KIAA1958: variants seen among roughly 807,000 people sequenced by gnomAD.
The protein encoded by KIAA1958 is KIAA1958.
A neutral mutation model predicts 47.2 loss-of-function variants in KIAA1958; 14 were observed. The observed-to-expected ratio is 0.30, with a 90% confidence interval of 0.20 to 0.46. The LOEUF (loss-of-function observed/expected upper bound fraction) is 0.46. Among genes scored for constraint, KIAA1958 ranks in the 20% least tolerant of loss-of-function variants. KIAA1958 has a pLI of 1.00. For missense variants in KIAA1958, 803 were observed against 909.2 expected, an observed-to-expected ratio of 0.88 and a Z score of 1.50; for synonymous variants, 354 against 353.3, an observed-to-expected ratio of 1.00 and a Z score of -0.02.
chr9:112,542,156 T>A (rs1161454334), intron 1 of KIAA1958, among the ~76,000 whole-genome samples: 1 of 152,206 alleles, frequency 6.6e-6, no homozygotes, highest in African/African-American at 2.4e-5. Flanking sequence ...CCCAATATGG[T>A]CAAGAGTACA....
intron 1 of KIAA1958, among the ~76,000 whole-genome samples, chr9:112,488,832 C>T (rs1264812976): frequency 6.6e-6 from 1 of 152,082 alleles, no homozygotes; most frequent in Non-Finnish European, 1.5e-5. Flanking sequence ...TAAAATAGTG[C>T]TTTTTTCTAG....
intron 3 of KIAA1958, among the ~76,000 whole-genome samples, chr9:112,646,978 G>A (rs1459384830): frequency 1.3e-5 from 2 of 152,200 alleles, no homozygotes; most frequent in African/African-American, 4.8e-5. Context: ...ACATTGAAAA[G>A]TCTTGCAAAT....
chr9:112,495,061 G>A (rs773551016), intron 1 of KIAA1958, among the ~76,000 whole-genome samples: 1 of 151,592 alleles, frequency 6.6e-6, no homozygotes, highest in Non-Finnish European at 1.5e-5. Flanking sequence ...TAGGACTGTG[G>A]ATGTGTGCCA....
chr9:112,649,515 C>G (rs572912868), intron 3 of KIAA1958, among the ~76,000 whole-genome samples: 64 of 151,790 alleles, frequency 4.2e-4, no homozygotes, highest in Non-Finnish European at 7.8e-4. Flanking sequence ...TTTCAAGGAG[C>G]CTAATGTACA....
chr9:112,559,702 C>T (rs893710601), intron 1 of KIAA1958, among the ~76,000 whole-genome samples: 1 of 152,204 alleles, frequency 6.6e-6, no homozygotes, highest in Admixed American at 6.5e-5. Context: ...AAGCCTTGGA[C>T]AATTCCATCA....
intron 2 of KIAA1958, among the ~76,000 whole-genome samples, chr9:112,603,944 T>C (rs1348423104): frequency 6.6e-6 from 1 of 152,226 alleles, no homozygotes; most frequent in African/African-American, 2.4e-5. Context: ...TCATTTCTTT[T>C]CTTTATCAAG....
chr9:112,589,221 G>T (rs1039654261), intron 2 of KIAA1958, among the ~76,000 whole-genome samples: 1 of 152,144 alleles, frequency 6.6e-6, no homozygotes, highest in Non-Finnish European at 1.5e-5. Context: ...TTTTCCTTTG[G>T]TTTTTCTGTT....
At chr9:112,609,642 C>G (rs981491004) in intron 2 of KIAA1958, among the ~76,000 whole-genome samples, 1 of 152,110 alleles carries the variant, frequency 6.6e-6, no homozygotes, top group Non-Finnish European at 1.5e-5. Context: ...GTCTCAACCT[C>G]CTAGGCTCAA....
chr9:112,546,922 G>A (rs951943343), intron 1 of KIAA1958, among the ~76,000 whole-genome samples: 1 of 151,922 alleles, frequency 6.6e-6, no homozygotes, highest in Admixed American at 6.6e-5. Flanking sequence ...TACCAGAGTT[G>A]TAAACCAGAA....
intron 2 of KIAA1958, among the ~76,000 whole-genome samples, chr9:112,636,315 T>C (rs1022927818): frequency 6.6e-6 from 1 of 152,028 alleles, no homozygotes; most frequent in African/African-American, 2.4e-5. Flanking sequence ...CATTTCTATG[T>C]TGGTAAAAGT....
intron 2 of KIAA1958, among the ~76,000 whole-genome samples, chr9:112,576,171 A>G (rs1230085351): frequency 6.6e-6 from 1 of 152,192 alleles, no homozygotes; most frequent in Non-Finnish European, 1.5e-5. Context: ...GTTGCTTTAC[A>G]AACTTCTTTT....
chr9:112,518,699 C>G (rs1834483115), intron 1 of KIAA1958, among the ~76,000 whole-genome samples: 1 of 152,092 alleles, frequency 6.6e-6, no homozygotes, highest in Non-Finnish European at 1.5e-5. Context: ...TCAAATTGTA[C>G]ATTTAAAATA....
chr9:112,544,191 G>A (rs4979130), intron 1 of KIAA1958, among the ~76,000 whole-genome samples: 145,345 of 152,256 alleles, frequency 0.95, 69,445 homozygotes, highest in African/African-American at 0.99. Flanking sequence ...CTGTAAAGTG[G>A]AGGGAAAATG....
intron 2 of KIAA1958, among the ~76,000 whole-genome samples, chr9:112,623,881 A>G (rs909306931): frequency 6.6e-6 from 1 of 152,120 alleles, no homozygotes; most frequent in African/African-American, 2.4e-5. Context: ...TAGACTGTGA[A>G]CCTATTCAGA....
intron 1 of KIAA1958, among the ~76,000 whole-genome samples, chr9:112,561,925 A>G (rs562102178): frequency 2.0e-5 from 3 of 152,314 alleles, no homozygotes; most frequent in Admixed American, 1.3e-4. Context: ...TGCAGAATAG[A>G]TCATATAGTT....
chr9:112,666,343 T>A lies in KIAA1958; in HGVS notation c.*6274T>A, dbSNP rs1338890768. On this transcript the variant is annotated 3_prime_UTR_variant, in exon 4 of 4. Transcript: ENST00000337530. ...CAATAGGTTATATGAAACTCTGAGA[T>A]CATCTAGTCAAATTCCCCCATTTTA... is the stretch of plus-strand genomic sequence containing the variant. The A allele has an allele frequency of 6.6e-6, 1 of 152,176 alleles. No individual in the cohort carries two copies. Among genetic ancestry groups the A allele is most frequent in the Non-Finnish European group, 1.5e-5 (1 of 68,032 alleles). 9.4% of individuals were successfully genotyped at this position (152,176 alleles called of 1,614,324 possible).
intron 2 of KIAA1958, among the ~76,000 whole-genome samples, chr9:112,610,876 G>C (rs139667089): frequency 9.1e-4 from 138 of 152,214 alleles, no homozygotes; most frequent in African/African-American, 3.0e-3. Flanking sequence ...ATTCAACAGA[G>C]CATTAAAGGA....
chr9:112,508,904 C>T (rs1417655365), intron 1 of KIAA1958, among the ~76,000 whole-genome samples: 1 of 151,998 alleles, frequency 6.6e-6, no homozygotes, highest in Admixed American at 6.6e-5. Flanking sequence ...AGGCCATTCA[C>T]TAATATAGTA....
At position 112,575,044 on chromosome 9, in the gene KIAA1958, A is replaced by G; in HGVS notation, c.964A>G (p.Ser322Gly). 3 of 1,614,064 alleles carry G rather than the reference A, an allele frequency of 1.9e-6. No individual in the cohort carries two copies. Among genetic ancestry groups the G allele is most frequent in the Admixed American group, 1.7e-5 (1 of 60,028 alleles). Reference protein sequence around the residue: ...VSTSHPNKQISIPLSALQLPG... With the variant: ...VSTSHPNKQIGIPLSALQLPG... ...CACATCCCATCCTAACAAACAGATC[A>G]GTATCCCCTTGTCTGCCCTGCAGCT... is the stretch of plus-strand genomic sequence containing the variant. Residue 322 changes from serine to glycine, a missense_variant, in exon 2 of 4, where the codon AGT (serine) becomes GGT (glycine). This residue lies in a region of KIAA1958 where 761 missense variants were observed against 829.3 expected (regional missense o/e 0.92). Transcript: ENST00000337530.
Sources: allele counts gnomAD v4.1 joint callset (sites outside exome capture counted in the v4.1 genomes callset), GRCh38; gene constraint gnomAD v4.1.1; regional missense constraint gnomAD v4.1.1; transcripts MANE v1.5; gene names NCBI Gene and HGNC (gene_info 2026-07-23, HGNC 2026-07-21).